NPAS3: variants seen among roughly 807,000 people sequenced by gnomAD.
NPAS3 encodes the protein neuronal PAS domain-containing protein 3.
NPAS3 carries 14 observed loss-of-function variants against 73.1 expected under a neutral mutation model. The observed-to-expected ratio is 0.19, with a 90% CI of 0.13 to 0.30. The LOEUF (loss-of-function observed/expected upper bound fraction) is 0.30, where lower values mean the gene tolerates loss of function less well. NPAS3 is among the 10% of genes least tolerant of loss of function. The pLI, the probability that NPAS3 is intolerant of heterozygous loss-of-function variation, is 1.00. For missense variants in NPAS3, 1,096 were observed against 1,250.0 expected (o/e 0.88, Z 1.86); for synonymous variants, 620 against 541.5 (o/e 1.14, Z -2.01).
At chr14:33,742,628 T>A (rs944756022) in intron 7 of NPAS3, among the ~76,000 whole-genome samples, 1 of 152,142 alleles carries the variant, frequency 6.6e-6, no homozygotes, top group African/African-American at 2.4e-5. Flanking sequence ...TTGCTGAAGG[T>A]TGGGGTGGCT....
At chr14:33,332,604 C>T (rs958129490) in intron 3 of NPAS3, among the ~76,000 whole-genome samples, 3 of 152,178 alleles carry the variant, frequency 2.0e-5, no homozygotes, top group African/African-American at 7.2e-5. Flanking sequence ...CCCTTAACCA[C>T]AGGCGTATGA....
intron 5 of NPAS3, among the ~76,000 whole-genome samples, chr14:33,605,283 G>A (rs1463128204): frequency 6.6e-6 from 1 of 150,432 alleles, no homozygotes; most frequent in Non-Finnish European, 1.5e-5. Flanking sequence ...TCCGCCATCA[G>A]TATTTTAAAA....
intron 3 of NPAS3, among the ~76,000 whole-genome samples, chr14:33,246,859 A>G (rs2048407632): frequency 6.8e-6 from 1 of 148,112 alleles, no homozygotes; most frequent in Admixed American, 6.7e-5. Context: ...AAAAAAAAAA[A>G]AAAAAAAAGC....
chr14:33,217,254 C>CGT (rs1164384257), intron 3 of NPAS3, among the ~76,000 whole-genome samples: 14 of 152,070 alleles, frequency 9.2e-5, no homozygotes, highest in Admixed American at 9.2e-4. Flanking sequence ...TTTCCTGACA[C>CGT]GTGGGATTAT....
intron 4 of NPAS3, among the ~76,000 whole-genome samples, chr14:33,424,472 G>A (rs567649849): frequency 6.6e-6 from 1 of 152,092 alleles, no homozygotes; most frequent in African/African-American, 2.4e-5. Context: ...ATGGGGGCAA[G>A]CCTGGAGGTC....
rs781502728 is a variant in NPAS3, at chr14:33,778,592, G to A, written c.1153+20G>A. On this transcript the variant is annotated intron_variant, in intron 9 of 11. Transcript: ENST00000356141. ...TGGACTGTAAGTACCTCCTGTGTGG[G>A]GGAATAACCCCGGCTGGTGTCAGCA... The A allele has an allele frequency of 1.3e-6, 2 of 1,531,986 alleles. No individual in the cohort carries two copies. The highest frequency in any genetic ancestry group is 1.8e-6 in the Non-Finnish European group (2 of 1,105,186). The allele number at this position is 1,531,986 out of a possible 1,614,324, so 94.9% of individuals were successfully genotyped here.
chr14:33,112,513 GGTT>G (rs1216265958), intron 2 of NPAS3, among the ~76,000 whole-genome samples: 4 of 152,034 alleles, frequency 2.6e-5, no homozygotes, highest in African/African-American at 9.7e-5. Context: ...TTTTTGATGG[GGTT>G]GTTTTTTTCT....
chr14:33,177,012 A>G (rs2045610965), intron 2 of NPAS3, among the ~76,000 whole-genome samples: 1 of 151,102 alleles, frequency 6.6e-6, no homozygotes. Context: ...CTATTTGTAT[A>G]TCTCCTTTGT....
chr14:33,363,037 T>C (rs1218789249), intron 3 of NPAS3, among the ~76,000 whole-genome samples: 2 of 152,108 alleles, frequency 1.3e-5, no homozygotes, highest in Admixed American at 6.5e-5. Flanking sequence ...ACAAGGCAAG[T>C]AGGGCTCGTG....
intron 4 of NPAS3, among the ~76,000 whole-genome samples, chr14:33,384,439 A>G (rs1378053955): frequency 6.6e-6 from 1 of 151,792 alleles, no homozygotes; most frequent in African/African-American, 2.4e-5. Context: ...AAAAACAAAT[A>G]CCATTGAAGG....
rs539049292 is a variant in NPAS3, at chr14:33,084,287, G to C, written c.140+28293G>C. On this transcript the variant is annotated intron_variant, in intron 2 of 11. Transcript: ENST00000356141. Reference sequence around the variant, plus strand: ...AGTACATAGCTATGAGATAATCTCAGCATTTTGTCCACTATATATGCTTGG... The same window carrying C: ...AGTACATAGCTATGAGATAATCTCACCATTTTGTCCACTATATATGCTTGG... 5.9e-5 allele frequency among the ~76,000 whole-genome samples: 9 copies of C among 152,254 alleles called. No homozygotes were observed. The East Asian group carries it at 1.7e-3, about 29-fold the overall frequency.
At chr14:33,189,752 T>C (rs2139497302) in intron 2 of NPAS3, among the ~76,000 whole-genome samples, 1 of 152,344 alleles carries the variant, frequency 6.6e-6, no homozygotes, top group Admixed American at 6.5e-5. Context: ...AATTAGTTTA[T>C]AGATCTAAAT....
downstream of NPAS3, chr14:33,802,376 T>TAAAAAAAAAAAAAAAAAAAA (rs71293230): frequency 6.3e-5 from 6 of 95,706 alleles, no homozygotes; most frequent in East Asian, 3.5e-4. Context: ...GCACATTAAG[T>TAAAAAAAAAAAAAAAAAAAA]AAAAAAAAAA....
At chr14:32,988,185 A>G (rs2038173086) in intron 1 of NPAS3, among the ~76,000 whole-genome samples, 2 of 152,206 alleles carry the variant, frequency 1.3e-5, no homozygotes, top group Non-Finnish European at 2.9e-5. Context: ...GAGTATGGCA[A>G]TTCTCCATTA....
chr14:33,641,566 T>C (rs78949735), intron 5 of NPAS3, among the ~76,000 whole-genome samples: 20,016 of 152,098 alleles, frequency 0.13, 1,662 homozygotes, highest in African/African-American at 0.24. Flanking sequence ...GGTTATTAAC[T>C]TCACAAGGAG....
chr14:33,138,791 C>T lies in NPAS3; in HGVS notation c.141-76391C>T, dbSNP rs558090517. On this transcript the variant is annotated intron_variant, in intron 2 of 11. Transcript: ENST00000356141. Reference sequence around the variant, plus strand: ...ATTCTGCAGTTAGACATAAAAACAACGGGGCTTCTTTGAGTGATAGGGTTA... The same window carrying T: ...ATTCTGCAGTTAGACATAAAAACAATGGGGCTTCTTTGAGTGATAGGGTTA... Among the ~76,000 whole-genome samples, 88 of 152,214 alleles carry T rather than the reference C, an allele frequency of 5.8e-4. 1 individual carries two copies. The highest frequency in any genetic ancestry group is 4.6e-3 in the South Asian group (22 of 4,826).
chr14:33,330,116 G>C (rs1257175737), intron 3 of NPAS3, among the ~76,000 whole-genome samples: 1 of 152,022 alleles, frequency 6.6e-6, no homozygotes, highest in Non-Finnish European at 1.5e-5. Flanking sequence ...GGTGGTGCGT[G>C]TCTGTAGTCC....
chr14:33,744,609 G>A (rs533375792), intron 7 of NPAS3, among the ~76,000 whole-genome samples: 21 of 151,910 alleles, frequency 1.4e-4, no homozygotes, highest in East Asian at 7.8e-4. Flanking sequence ...GCAACATGGC[G>A]AAACCTTGTC....
intron 5 of NPAS3, among the ~76,000 whole-genome samples, chr14:33,628,149 C>T (rs543645253): frequency 2.6e-5 from 4 of 152,328 alleles, no homozygotes; most frequent in South Asian, 4.1e-4. Flanking sequence ...GTTTAACTCT[C>T]ATCTTTAAAT....
Sources: allele counts gnomAD v4.1 joint callset (sites outside exome capture counted in the v4.1 genomes callset), GRCh38; gene constraint gnomAD v4.1.1; transcripts MANE v1.5; gene names NCBI Gene and HGNC (gene_info 2026-07-23, HGNC 2026-07-21).